Variants in TDRD9 observed in about 807,000 individuals in gnomAD.
The protein encoded by TDRD9 is ATP-dependent RNA helicase TDRD9.
In TDRD9, 124 loss-of-function variants were observed where a neutral mutation model predicts 172.6. The ratio of observed to expected loss-of-function variants is 0.72; its 90% CI spans 0.62 to 0.83. TDRD9 has a LOEUF of 0.83. Among genes scored for constraint, TDRD9 ranks in the 40% least tolerant of loss-of-function variants. TDRD9 has a pLI of 0.00. For synonymous variants in TDRD9, 619 were observed against 617.1 expected, an observed-to-expected ratio of 1.00 and a Z score of -0.05; for missense variants, 1,479 against 1,714.1, an observed-to-expected ratio of 0.86 and a Z score of 2.42.
intron 1 of TDRD9, among the ~76,000 whole-genome samples, chr14:103,948,015 G>T (rs991103487): frequency 6.6e-6 from 1 of 152,086 alleles, no homozygotes; most frequent in African/African-American, 2.4e-5. Flanking sequence ...GAAAAAAACA[G>T]ATTTTTATTT....
chr14:103,934,805 T>A (rs1007257023), intron 1 of TDRD9, among the ~76,000 whole-genome samples: 1 of 152,102 alleles, frequency 6.6e-6, no homozygotes, highest in African/African-American at 2.4e-5. Context: ...AGGAGCAGGG[T>A]GGTCAGGGAA....
At chr14:104,041,082 A>C (rs2035598986) in intron 33 of TDRD9, among the ~76,000 whole-genome samples, 1 of 152,210 alleles carries the variant, frequency 6.6e-6, no homozygotes. Context: ...GAGACGGGTG[A>C]GGTTAACATA....
At chr14:103,950,006 GCCCT>G (rs1184351006) in intron 1 of TDRD9, among the ~76,000 whole-genome samples, 6 of 61,404 alleles carry the variant, frequency 9.8e-5, no homozygotes, top group Non-Finnish European at 2.1e-4. Context: ...ATCAGGCCCT[GCCCT>G]GCCCTGCCCT....
chr14:103,995,802 A>G lies in TDRD9; in HGVS notation c.1373A>G (p.Lys458Arg). 1.2e-6 allele frequency: 2 copies of G among 1,608,852 alleles called. No individual in the cohort carries two copies. The highest frequency in any genetic ancestry group is 1.7e-6 in the Non-Finnish European group (2 of 1,177,758). ...AGTTCTGTCACAGTTCCAGATGTCAAATATGGTAAGATACTTCTCCGTTTA... is the reference window on the plus strand; with the variant it reads ...AGTTCTGTCACAGTTCCAGATGTCAGATATGGTAAGATACTTCTCCGTTTA... ...AESSVTVPDVKYVIDFCLTRT... is the reference protein window; with the variant it reads ...AESSVTVPDVRYVIDFCLTRT... Residue 458 changes from lysine (K) to arginine (R), a missense_variant, in exon 12 of 36, where the codon AAA (lysine) becomes AGA (arginine). Physicochemically the swap from Lys to Arg is conservative, Grantham distance 26. Transcript: ENST00000409874.
At chr14:104,036,361 C>T (rs1194091134) in intron 32 of TDRD9, among the ~76,000 whole-genome samples, 2 of 152,166 alleles carry the variant, frequency 1.3e-5, no homozygotes, top group African/African-American at 4.8e-5. Flanking sequence ...CCTAATTTTG[C>T]AATGATGATG....
At chr14:103,950,579 T>C (rs2031820925) in intron 1 of TDRD9, among the ~76,000 whole-genome samples, 1 of 152,190 alleles carries the variant, frequency 6.6e-6, no homozygotes, top group South Asian at 2.1e-4. Flanking sequence ...GTCTGCATTA[T>C]GGAAGGATAT....
intron 21 of TDRD9, among the ~76,000 whole-genome samples, 187 bp downstream of exon 21, chr14:104,015,028 T>C (rs111770432): frequency 4.6e-4 from 70 of 152,374 alleles, no homozygotes; most frequent in African/African-American, 1.6e-3. Flanking sequence ...CATTATTTGT[T>C]GAGTTGATGA....
At chr14:103,948,888 CAA>C (rs57817688) in intron 1 of TDRD9, among the ~76,000 whole-genome samples, 61 of 114,632 alleles carry the variant, frequency 5.3e-4, no homozygotes, top group African/African-American at 1.8e-3. Flanking sequence ...GACTCCATCT[CAA>C]AAAAAAAAAA....
At chr14:103,964,879 C>T (rs1480696203) in intron 3 of TDRD9, among the ~76,000 whole-genome samples, 3 of 152,106 alleles carry the variant, frequency 2.0e-5, no homozygotes, top group African/African-American at 2.4e-5. Flanking sequence ...AACCGTTTGT[C>T]GCCTCCTTGC....
intron 5 of TDRD9, among the ~76,000 whole-genome samples, chr14:103,968,695 C>G (rs1256142273): frequency 6.9e-6 from 1 of 144,404 alleles, no homozygotes; most frequent in Non-Finnish European, 1.5e-5. Flanking sequence ...ACTCAGGAGG[C>G]TGAGGCAGGA....
intron 8 of TDRD9, among the ~76,000 whole-genome samples, chr14:103,987,281 T>C (rs1301781333): frequency 6.6e-6 from 1 of 152,218 alleles, no homozygotes; most frequent in African/African-American, 2.4e-5. Flanking sequence ...TGTTGTCTTC[T>C]TCTACTTAGT....
rs2034741065 is a variant in TDRD9, at chr14:104,014,946, C to G, written c.2223+105C>G. 3.1e-5 allele frequency: 20 copies of G among 640,322 alleles called. 1 individual carries two copies. In the South Asian group the frequency reaches 4.2e-4, roughly 13 times the overall value. 39.7% of individuals were successfully genotyped at this position (640,322 alleles called of 1,614,324 possible). ...CTGCTTTCTGATACAAACCAAACCT[C>G]AAAGGAGATTTTAGGTCCATAGTGT... On this transcript the variant is annotated intron_variant, in intron 21 of 35. Coordinates refer to ENST00000409874, the MANE Select transcript of TDRD9 (RefSeq NM_153046.3).
intron 34 of TDRD9, among the ~76,000 whole-genome samples, chr14:104,045,300 G>A (rs2035737889): frequency 6.6e-6 from 1 of 151,966 alleles, no homozygotes; most frequent in African/African-American, 2.4e-5. Context: ...GGTGAGTATG[G>A]TAGTATCTCA....
At chr14:103,932,861 A>G (rs932156001) in intron 1 of TDRD9, among the ~76,000 whole-genome samples, 2 of 150,418 alleles carry the variant, frequency 1.3e-5, no homozygotes, top group African/African-American at 4.9e-5. Flanking sequence ...AACATGGGCA[A>G]TTTTTTTTTT....
intron 1 of TDRD9, among the ~76,000 whole-genome samples, chr14:103,939,390 A>G (rs1246094620): frequency 5.9e-5 from 9 of 152,218 alleles, no homozygotes. Flanking sequence ...TCACTGCACA[A>G]TAAGCAGTTG....
At chr14:104,040,140 A>G in intron 32 of TDRD9, 56 bp from the exon 33 acceptor site, 1 of 1,345,644 alleles carries the variant, frequency 7.4e-7, no homozygotes, top group Admixed American at 3.2e-5. Flanking sequence ...TACATGCTAA[A>G]ACATATACTT....
chr14:103,981,910 A>G (rs1005024947), intron 7 of TDRD9, among the ~76,000 whole-genome samples: 1 of 152,174 alleles, frequency 6.6e-6, no homozygotes, highest in African/African-American at 2.4e-5. Flanking sequence ...TTTTGTATAG[A>G]TCCTATTATA....
rs1306605087 is a variant in TDRD9 at position 103,936,248 on chromosome 14, C to T, written c.215+7524C>T. 2.0e-5 allele frequency among the ~76,000 whole-genome samples: 3 copies of T among 152,162 alleles called. No homozygotes were observed. In the East Asian group the frequency reaches 5.8e-4, roughly 29 times the overall value. On this transcript the variant is annotated intron_variant, in intron 1 of 35. Transcript: ENST00000409874. The stretch of plus-strand genomic sequence containing the variant: ...GGGACCACAGGTGCATGCTGCCATG[C>T]CTGACAAATTAAAAAAATGTTTTTG...
chr14:103,957,314 T>G (rs2032294671), intron 2 of TDRD9, among the ~76,000 whole-genome samples: 1 of 152,256 alleles, frequency 6.6e-6, no homozygotes, highest in Admixed American at 6.5e-5. Flanking sequence ...GGCTTTGGCC[T>G]GATGTCTCCT....
Sources: allele counts gnomAD v4.1 joint callset (sites outside exome capture counted in the v4.1 genomes callset), GRCh38; gene constraint gnomAD v4.1.1; transcripts MANE v1.5; gene names NCBI Gene and HGNC (gene_info 2026-07-23, HGNC 2026-07-21).